Variants in ABCE1 observed in about 807,000 individuals in gnomAD.
ABCE1 encodes ATP-binding cassette sub-family E member 1.
Under a neutral mutation model 83.4 loss-of-function variants are expected in ABCE1, and 22 were observed. That is an observed-to-expected ratio of 0.26 (90% CI 0.19 to 0.38). ABCE1 has a LOEUF of 0.38. Ranked by LOEUF, ABCE1 falls within the 10% of genes least tolerant of loss-of-function variation. The pLI, the probability that ABCE1 is intolerant of heterozygous loss-of-function variation, is 1.00. For missense variants in ABCE1, 330 were observed against 721.9 expected (o/e 0.46, Z 6.22); for synonymous variants, 204 against 233.7 (o/e 0.87, Z 1.16).
At position 145,110,109 on chromosome 4, in the gene ABCE1, C is replaced by G. The variant is rs993881544; in HGVS notation, c.412C>G (p.Pro138Ala). 6.4e-7 allele frequency: 1 copy of G among 1,563,300 alleles called. No individual in the cohort carries two copies. The highest frequency in any genetic ancestry group is 8.6e-7 in the Non-Finnish European group (1 of 1,161,596). Residue 138 changes from proline to alanine, a missense_variant, in exon 6 of 18, where the codon CCT becomes GCT. Physicochemically the swap from Pro to Ala is conservative, Grantham distance 27 (BLOSUM62 -1). Coordinates refer to ENST00000296577, the MANE Select transcript of ABCE1 (RefSeq NM_002940.3). ...KPNLGKYDDP[P>A]DWQEILTYFR... The stretch of plus-strand genomic sequence containing the variant: ...ATTTTTTTTTTTTTTTTAGGATCCT[C>G]CTGACTGGCAGGAGATTTTGACTTA...
chr4:145,125,887 A>G (rs1342872096), intron 17 of ABCE1, among the ~76,000 whole-genome samples: 1 of 151,982 alleles, frequency 6.6e-6, no homozygotes, highest in African/African-American at 2.4e-5. Context: ...TAAAAATACA[A>G]AAAATTAGCC....
chr4:145,124,382 A>G (rs1016432617), intron 16 of ABCE1, among the ~76,000 whole-genome samples: 3 of 151,912 alleles, frequency 2.0e-5, no homozygotes, highest in Non-Finnish European at 2.9e-5. Context: ...TGAGAATTAC[A>G]TATTTCTTAA....
chr4:145,110,811 A>T (rs1401217254), intron 7 of ABCE1, 157 bp from the exon 8 acceptor site: 4 of 585,680 alleles, frequency 6.8e-6, no homozygotes, highest in African/African-American at 5.7e-5. Context: ...ATGAAAGTAC[A>T]CATCTTTATG....
intron 7 of ABCE1, 50 bp downstream of exon 7, chr4:145,110,494 A>G (rs1490958276): frequency 6.4e-7 from 1 of 1,569,292 alleles, no homozygotes; most frequent in Admixed American, 1.7e-5. Flanking sequence ...TTATTTTTTG[A>G]GACGGAGTTT....
intron 8 of ABCE1, 94 bp from the exon 9 acceptor site, chr4:145,112,145 A>T (rs1260013489): frequency 1.2e-6 from 1 of 829,412 alleles, no homozygotes; most frequent in Admixed American, 3.1e-5. Context: ...GTTAACTCAA[A>T]AGCTCTTGAT....
intron 7 of ABCE1, 115 bp from the exon 8 acceptor site, chr4:145,110,853 A>AT: frequency 1.5e-6 from 1 of 665,218 alleles, no homozygotes; most frequent in South Asian, 2.1e-5. Context: ...TAATTGTTAT[A>AT]TTTAAACAAT....
Position 145,110,091 on chromosome 4 carries a change from T to C in ABCE1, c.406-12T>C. The C allele has an allele frequency of 6.5e-7, 1 of 1,545,820 alleles. No homozygotes were observed. The highest frequency in any genetic ancestry group is 2.3e-5 in the East Asian group (1 of 44,166). On this transcript the variant is annotated splice_polypyrimidine_tract_variant and intron_variant, in intron 5 of 17. Transcript: ENST00000296577. Reference sequence around the variant, plus strand: ...AAATTCACATGATTCTGTATTTTTTTTTTTTTTTTAGGATCCTCCTGACTG... The same window carrying C: ...AAATTCACATGATTCTGTATTTTTTCTTTTTTTTTAGGATCCTCCTGACTG...
At chr4:145,122,575 T>C (rs904308137) in intron 13 of ABCE1, 2 of 152,922 alleles carry the variant, frequency 1.3e-5, no homozygotes, top group African/African-American at 2.4e-5. Flanking sequence ...CCCAGCACTT[T>C]GGGAGGCTGA....
chr4:145,126,474 T>TTTGATAGAGATGGGG (rs1431927948), intron 17 of ABCE1, among the ~76,000 whole-genome samples: 3 of 152,098 alleles, frequency 2.0e-5, no homozygotes, highest in Non-Finnish European at 4.4e-5. Flanking sequence ...TCTGTATTTT[T>TTTGATAGAGATGGGG]TTGATAGAGA....
chr4:145,111,313 G>A (rs896831283), intron 8 of ABCE1, among the ~76,000 whole-genome samples: 1 of 152,138 alleles, frequency 6.6e-6, no homozygotes, highest in African/African-American at 2.4e-5. Flanking sequence ...TATAAAGTCA[G>A]TTATTCATTA....
At chr4:145,110,857 A>T in intron 7 of ABCE1, 111 bp from the exon 8 acceptor site, 1 of 681,934 alleles carries the variant, frequency 1.5e-6, no homozygotes, top group Non-Finnish European at 2.5e-6. Flanking sequence ...TGTTATATTT[A>T]AACAATTTTC....
At position 145,121,191 on chromosome 4, in the gene ABCE1, T is replaced by C. The variant is rs776637645; in HGVS notation, c.1162T>C (p.Phe388Leu). The C allele has an allele frequency of 4.0e-5, 64 of 1,613,530 alleles. No homozygotes were observed. Among genetic ancestry groups the C allele is most frequent in the Non-Finnish European group, 5.3e-5 (63 of 1,179,910 alleles). Reference sequence around the variant, plus strand: ...GTTGCCAGGAACGGGTAAAACGACATTTATCAGAATGCTTGCTGGAAGACT... The same window carrying C: ...GTTGCCAGGAACGGGTAAAACGACACTTATCAGAATGCTTGCTGGAAGACT... The part of the protein sequence containing the change: ...LGENGTGKTT[F>L]IRMLAGRLKP... Residue 388 changes from phenylalanine to leucine, a missense_variant, in exon 12 of 18, where the codon TTT (phenylalanine) becomes CTT (leucine). Phe to Leu is a conservative substitution (Grantham distance 22). Transcript: ENST00000296577.
In ABCE1 at chr4:145,120,097, C is replaced by CA; in HGVS notation, c.1090dup (p.Ile364AsnfsTer10). 1 of 1,611,476 alleles carries CA rather than the reference C, an allele frequency of 6.2e-7. No individual in the cohort carries two copies. Among genetic ancestry groups the CA allele is most frequent in the Non-Finnish European group, 8.5e-7 (1 of 1,179,034 alleles). On this transcript the variant is annotated frameshift_variant, in exon 11 of 18. Transcript: ENST00000296577. LOFTEE classifies it high-confidence loss of function. ...AAAAAAATGGGAGAATTTGAGCTAGCAATTGTAGCTGGAGAGTTTACAGAT... is the reference window on the plus strand; with the variant it reads ...AAAAAAATGGGAGAATTTGAGCTAGCAAATTGTAGCTGGAGAGTTTACAGAT...
At chr4:145,122,513 GAA>G (rs112631489) in intron 13 of ABCE1, 28 of 144,590 alleles carry the variant, frequency 1.9e-4, no homozygotes, top group African/African-American at 6.1e-4. Flanking sequence ...CTGTGGAGTG[GAA>G]AAAAAAAAAA....
intron 9 of ABCE1, among the ~76,000 whole-genome samples, chr4:145,115,849 T>C (rs1749595066): frequency 6.6e-6 from 1 of 151,936 alleles, no homozygotes; most frequent in Non-Finnish European, 1.5e-5. Context: ...AGGTGTCTGT[T>C]AGTACACAGT....
At chr4:145,099,133 C>G (rs35899644) in intron 1 of ABCE1, among the ~76,000 whole-genome samples, 1 of 152,294 alleles carries the variant, frequency 6.6e-6, no homozygotes, top group African/African-American at 2.4e-5. Flanking sequence ...AGGTTGATGT[C>G]TTTACTCAGA....
At chr4:145,109,601 A>C (rs575325055) in intron 5 of ABCE1, among the ~76,000 whole-genome samples, 1 of 152,198 alleles carries the variant, frequency 6.6e-6, no homozygotes, top group African/African-American at 2.4e-5. Context: ...TAAATTTCCA[A>C]CTTTAGTACA....
chr4:145,100,284 T>A (rs1478332374), intron 1 of ABCE1, among the ~76,000 whole-genome samples: 2 of 152,036 alleles, frequency 1.3e-5, no homozygotes, highest in African/African-American at 4.8e-5. Context: ...AGCCCAGGAG[T>A]CCCAGTCTGT....
In ABCE1 at chr4:145,129,129, TC is replaced by T. The variant is rs1338209546; in HGVS notation, c.*1557del. On this transcript the variant is annotated 3_prime_UTR_variant, in exon 18 of 18. Coordinates refer to ENST00000296577, the MANE Select transcript of ABCE1 (RefSeq NM_002940.3). The stretch of plus-strand genomic sequence containing the variant: ...TAGGTTAAATTTGTGAATGATCATT[TC>T]AAATATATTGAATAAAATAAGCAAA... 1.3e-5 allele frequency: 2 copies of T among 152,186 alleles called. No homozygotes were observed. Among genetic ancestry groups the T allele is most frequent in the Admixed American group, 6.5e-5 (1 of 15,272 alleles). 9.4% of individuals were successfully genotyped at this position (152,186 alleles called of 1,614,324 possible).
Sources: gnomAD v4.1 joint callset for allele counts (sites outside exome capture counted in the v4.1 genomes callset) on GRCh38, gnomAD v4.1.1 for gene constraint, MANE v1.5 for transcripts, NCBI Gene and HGNC (gene_info 2026-07-23, HGNC 2026-07-21) for gene names.